Variants in IGFL2 observed in about 807,000 individuals in gnomAD.
IGFL2 encodes IGF like family member 2, also known as insulin growth factor-like family member 2.
IGFL2 carries 7 observed loss-of-function variants against 13.9 expected under a neutral mutation model. The ratio of observed to expected loss-of-function variants is 0.51; its 90% CI spans 0.29 to 0.95. The LOEUF is 0.95. Ranked by LOEUF, IGFL2 falls within the 40% of genes least tolerant of loss-of-function variation. The probability of loss-of-function intolerance (pLI) is 0.08; values close to 1 mark genes in which losing one functional copy is unlikely to be tolerated. For synonymous variants in IGFL2, 55 were observed against 55.8 expected (o/e 0.99, Z 0.07); for missense variants, 138 against 147.8 (o/e 0.93, Z 0.34).
At chr19:46,082,251 C>G in the IGFL2 span, among the ~76,000 whole-genome samples, 36,814 of 152,114 alleles carry the variant, frequency 0.24, 5,400 homozygotes, top group Non-Finnish European at 0.33. Flanking sequence ...ACTATTACTA[C>G]TATCATTATT....
At chr19:46,173,360 A>G in the IGFL2 span, among the ~76,000 whole-genome samples, 2 of 152,244 alleles carry the variant, frequency 1.3e-5, no homozygotes, top group African/African-American at 4.8e-5. Flanking sequence ...GTTCTGACCC[A>G]TTATAAAGCA....
chr19:46,190,673 T>C, the IGFL2 span, among the ~76,000 whole-genome samples: 2 of 152,180 alleles, frequency 1.3e-5, no homozygotes, highest in African/African-American at 4.8e-5. Flanking sequence ...GCTGAGGATA[T>C]TTATCACGCC....
the IGFL2 span, among the ~76,000 whole-genome samples, chr19:46,177,388 G>A: frequency 4.3e-3 from 657 of 152,186 alleles, 5 homozygotes; most frequent in African/African-American, 0.015. Flanking sequence ...GTGAGACTCC[G>A]TCTCAAAACA....
the IGFL2 span, among the ~76,000 whole-genome samples, chr19:46,100,760 G>T: frequency 6.6e-6 from 1 of 152,196 alleles, no homozygotes; most frequent in Non-Finnish European, 1.5e-5. Flanking sequence ...GCATGACCCA[G>T]TTCCCAGCTT....
At chr19:46,129,294 A>G in the IGFL2 span, among the ~76,000 whole-genome samples, 1 of 129,602 alleles carries the variant, frequency 7.7e-6, no homozygotes, top group African/African-American at 3.0e-5. Flanking sequence ...CAACTCTTGG[A>G]TTTGTTGATC....
the IGFL2 span, among the ~76,000 whole-genome samples, chr19:46,197,730 G>A: frequency 2.0e-5 from 3 of 152,094 alleles, no homozygotes; most frequent in East Asian, 5.8e-4. Flanking sequence ...CGGGGTTTCA[G>A]CATGTTGTTC....
At chr19:46,139,794 A>G (rs1355516440), upstream of IGFL2, among the ~76,000 whole-genome samples, 1 of 152,194 alleles carries the variant, frequency 6.6e-6, no homozygotes, top group Non-Finnish European at 1.5e-5. Context: ...TTTGAACAAT[A>G]CAACTAACAC....
chr19:46,159,794 G>C (rs1288612200), intron 1 of IGFL2: 4 of 152,370 alleles, frequency 2.6e-5, no homozygotes, highest in Non-Finnish European at 4.4e-5. Context: ...TAGACCTACT[G>C]TCCGTCTCTA....
At chr19:46,129,604 A>C in the IGFL2 span, among the ~76,000 whole-genome samples, 1 of 152,022 alleles carries the variant, frequency 6.6e-6, no homozygotes, top group Non-Finnish European at 1.5e-5. Flanking sequence ...TTTCTGCCTC[A>C]ATTTCATTAT....
the IGFL2 span, among the ~76,000 whole-genome samples, chr19:46,122,895 A>C: frequency 6.6e-6 from 1 of 150,854 alleles, no homozygotes; most frequent in Admixed American, 6.6e-5. Context: ...ATTAAAATGT[A>C]ATCTTCCAAG....
At chr19:46,111,410 A>T in the IGFL2 span, 1 of 152,244 alleles carries the variant, frequency 6.6e-6, no homozygotes, top group Non-Finnish European at 1.5e-5. Context: ...TAGTCTCAAA[A>T]GGATGACCTG....
At chr19:46,190,607 A>G in the IGFL2 span, among the ~76,000 whole-genome samples, 2 of 152,154 alleles carry the variant, frequency 1.3e-5, no homozygotes, top group Non-Finnish European at 2.9e-5. Context: ...GGAAGGAGAG[A>G]TAATCAGGAC....
chr19:46,167,854 G>A, the IGFL2 span, among the ~76,000 whole-genome samples: 2 of 152,206 alleles, frequency 1.3e-5, no homozygotes, highest in Non-Finnish European at 2.9e-5. Context: ...GCGGCTGTCT[G>A]CAGGCCAGAA....
chr19:46,127,661 A>G, the IGFL2 span, among the ~76,000 whole-genome samples: 1 of 152,176 alleles, frequency 6.6e-6, no homozygotes, highest in Admixed American at 6.5e-5. Flanking sequence ...AGGTAGATAG[A>G]TAGATGATGG....
At chr19:46,153,839 AT>A (rs1555744721) in intron 1 of IGFL2, among the ~76,000 whole-genome samples, 4 of 139,356 alleles carry the variant, frequency 2.9e-5, no homozygotes, top group Non-Finnish European at 6.1e-5. Context: ...ATATATATAT[AT>A]TTTTTTTACT....
At chr19:46,138,870 C>T (rs964322974), upstream of IGFL2, among the ~76,000 whole-genome samples, 2 of 152,124 alleles carry the variant, frequency 1.3e-5, no homozygotes, top group African/African-American at 4.8e-5. Context: ...CCAAAGCCAC[C>T]TAGAGGAGCA....
the IGFL2 span, among the ~76,000 whole-genome samples, chr19:46,102,811 G>A: frequency 1.3e-5 from 2 of 152,094 alleles, no homozygotes; most frequent in Non-Finnish European, 2.9e-5. Flanking sequence ...GAAGTGTTGG[G>A]GCGGCAAAAT....
intron 1 of IGFL2, among the ~76,000 whole-genome samples, chr19:46,152,450 T>C (rs190188997): frequency 6.6e-6 from 1 of 152,194 alleles, no homozygotes; most frequent in African/African-American, 2.4e-5. Context: ...CTAATTTTTT[T>C]ATGTTTTTAT....
intron 1 of IGFL2, among the ~76,000 whole-genome samples, chr19:46,153,405 T>C (rs940951419): frequency 2.6e-5 from 4 of 152,216 alleles, no homozygotes; most frequent in African/African-American, 7.2e-5. Context: ...GGTTTTGATT[T>C]GCATTTCCCT....
Sources: gnomAD v4.1 joint callset for allele counts (sites outside exome capture counted in the v4.1 genomes callset) on GRCh38, gnomAD v4.1.1 for gene constraint, MANE v1.5 for transcripts, NCBI Gene and HGNC (gene_info 2026-07-23, HGNC 2026-07-21) for gene names.